LYPLAL1: variants seen among roughly 807,000 people sequenced by gnomAD.
LYPLAL1 encodes lysophospholipase like 1.
Under a neutral mutation model 19.7 loss-of-function variants are expected in LYPLAL1, and 23 were observed. That is an observed-to-expected ratio of 1.17 (90% CI 0.84 to 1.65). The LOEUF (loss-of-function observed/expected upper bound fraction) is 1.65, where lower values mean the gene tolerates loss of function less well. Ranked by LOEUF, LYPLAL1 falls within the 40% of genes most tolerant of loss-of-function variation. The pLI is 0.00. For missense variants in LYPLAL1, 355 were observed against 279.4 expected (o/e 1.27, Z -1.93); for synonymous variants, 119 against 96.3 (o/e 1.24, Z -1.38).
the LYPLAL1 span, among the ~76,000 whole-genome samples, chr1:219,316,158 G>A: frequency 3.3e-4 from 50 of 152,236 alleles, no homozygotes; most frequent in African/African-American, 5.1e-4. Flanking sequence ...TATCATCAAA[G>A]ATTATTGAAT....
At chr1:219,182,269 G>A (rs1179299016) in intron 2 of LYPLAL1, among the ~76,000 whole-genome samples, 1 of 152,094 alleles carries the variant, frequency 6.6e-6, no homozygotes, top group Non-Finnish European at 1.5e-5. Context: ...TATTTTATTA[G>A]AATGCTCTGG....
the LYPLAL1 span, among the ~76,000 whole-genome samples, chr1:219,221,254 G>C: frequency 6.6e-6 from 1 of 152,154 alleles, no homozygotes; most frequent in South Asian, 2.1e-4. Flanking sequence ...GCAGATTTCA[G>C]CTTAGCCGAA....
the LYPLAL1 span, among the ~76,000 whole-genome samples, chr1:219,419,931 C>T: frequency 6.6e-6 from 1 of 152,202 alleles, no homozygotes; most frequent in Admixed American, 6.5e-5. Context: ...ATGCTAAATC[C>T]TCATGAGCAC....
At chr1:219,293,187 T>C in the LYPLAL1 span, among the ~76,000 whole-genome samples, 2 of 152,142 alleles carry the variant, frequency 1.3e-5, no homozygotes, top group South Asian at 2.1e-4. Context: ...CCTTAGCAGA[T>C]GAGCCAGAAA....
chr1:219,277,209 G>A, the LYPLAL1 span, among the ~76,000 whole-genome samples: 2 of 152,204 alleles, frequency 1.3e-5, no homozygotes, highest in Admixed American at 6.5e-5. Flanking sequence ...CCCAATTGGA[G>A]CAATTAATTT....
At chr1:219,282,388 A>C in the LYPLAL1 span, among the ~76,000 whole-genome samples, 14 of 152,068 alleles carry the variant, frequency 9.2e-5, no homozygotes, top group African/African-American at 3.4e-4. Context: ...GGAGTTCCAG[A>C]AAGAAAAGAG....
the LYPLAL1 span, among the ~76,000 whole-genome samples, chr1:219,273,965 T>C: frequency 6.6e-6 from 1 of 152,184 alleles, no homozygotes; most frequent in Admixed American, 6.5e-5. Flanking sequence ...TTTCACCACA[T>C]TGGCCAGGCT....
the LYPLAL1 span, among the ~76,000 whole-genome samples, chr1:219,397,975 C>T: frequency 7.9e-5 from 12 of 152,192 alleles, no homozygotes; most frequent in African/African-American, 2.6e-4. Flanking sequence ...TCTTTAGCTA[C>T]CTTTCATATT....
At chr1:219,308,825 G>A in the LYPLAL1 span, among the ~76,000 whole-genome samples, 2 of 152,208 alleles carry the variant, frequency 1.3e-5, no homozygotes, top group East Asian at 3.9e-4. Context: ...AGTACAGAAG[G>A]GAAATGAGGG....
chr1:219,278,277 T>A, the LYPLAL1 span, among the ~76,000 whole-genome samples: 1 of 152,204 alleles, frequency 6.6e-6, no homozygotes, highest in Admixed American at 6.5e-5. Flanking sequence ...AGCCTCTTTT[T>A]GTCTGAGGAC....
At chr1:219,289,899 A>G in the LYPLAL1 span, among the ~76,000 whole-genome samples, 1 of 152,220 alleles carries the variant, frequency 6.6e-6, no homozygotes, top group Non-Finnish European at 1.5e-5. Context: ...TACCTTTTTC[A>G]TCAGAGAAAC....
chr1:219,238,664 T>G, the LYPLAL1 span, among the ~76,000 whole-genome samples: 2 of 152,092 alleles, frequency 1.3e-5, no homozygotes, highest in Non-Finnish European at 2.9e-5. Context: ...GTACATACTC[T>G]CTGCTCTACA....
intron 2 of LYPLAL1, among the ~76,000 whole-genome samples, chr1:219,182,269 G>T (rs1179299016): frequency 6.6e-6 from 1 of 152,094 alleles, no homozygotes; most frequent in African/African-American, 2.4e-5. Context: ...TATTTTATTA[G>T]AATGCTCTGG....
the LYPLAL1 span, among the ~76,000 whole-genome samples, chr1:219,362,457 T>C: frequency 1.3e-5 from 2 of 152,162 alleles, no homozygotes; most frequent in East Asian, 3.9e-4. Context: ...GCAAAAGTTG[T>C]GTAAATGAAG....
chr1:219,394,267 A>G, the LYPLAL1 span, among the ~76,000 whole-genome samples: 1 of 152,178 alleles, frequency 6.6e-6, no homozygotes, highest in Non-Finnish European at 1.5e-5. Context: ...AATGTTATGA[A>G]TTCAAATATT....
rs750431630 is a variant in LYPLAL1 at position 219,193,161 on chromosome 1, C to G, written c.271C>G (p.Leu91Val). The G allele has an allele frequency of 3.7e-6, 6 of 1,610,408 alleles. No homozygotes were observed. The East Asian group carries it at 8.9e-5, about 24-fold the overall frequency. ...AATAACCAATGACTGCCCAGAACAC[C>G]TTGAATCAATTGATGTCATGTGTCA... ...FKITNDCPEH[L>V]ESIDVMCQVL... The change falls in exon 3 of 5, where the codon CTT becomes GTT. Residue 91 changes from leucine to valine, a missense_variant. Physicochemically the swap from Leu to Val is conservative, Grantham distance 32. Transcript: ENST00000366928.
the LYPLAL1 span, among the ~76,000 whole-genome samples, chr1:219,400,590 G>A: frequency 9.2e-5 from 14 of 151,868 alleles, no homozygotes; most frequent in Non-Finnish European, 2.1e-4. Flanking sequence ...CTGTCTCCCA[G>A]GTTCAAATGA....
chr1:219,207,942 T>C (rs1658701829), intron 3 of LYPLAL1, among the ~76,000 whole-genome samples: 1 of 152,062 alleles, frequency 6.6e-6, no homozygotes, highest in Admixed American at 6.6e-5. Flanking sequence ...TCATGGTCTG[T>C]AAGTCTCTTT....
At chr1:219,208,001 C>G (rs1196231671) in intron 3 of LYPLAL1, among the ~76,000 whole-genome samples, 2 of 151,994 alleles carry the variant, frequency 1.3e-5, no homozygotes, top group Non-Finnish European at 2.9e-5. Context: ...CTCTTCCTCT[C>G]TCACATTCTC....
Sources: gnomAD v4.1 joint callset for allele counts (sites outside exome capture counted in the v4.1 genomes callset) on GRCh38, gnomAD v4.1.1 for gene constraint, MANE v1.5 for transcripts, NCBI Gene and HGNC (gene_info 2026-07-23, HGNC 2026-07-21) for gene names.